Variants in CATSPER4 observed in about 807,000 individuals in gnomAD.
CATSPER4 encodes the protein cation channel sperm-associated protein 4.
CATSPER4 carries 46 observed loss-of-function variants against 54.4 expected under a neutral mutation model. The ratio of observed to expected loss-of-function variants is 0.84; its 90% CI spans 0.67 to 1.08. The LOEUF (loss-of-function observed/expected upper bound fraction) is 1.08. Among genes scored for constraint, CATSPER4 ranks in the 50% least tolerant of loss-of-function variants. CATSPER4 has a pLI of 0.00. For missense variants in CATSPER4, 574 were observed against 612.8 expected (o/e 0.94, Z 0.67); for synonymous variants, 230 against 231.9 (o/e 0.99, Z 0.08).
rs890204497 is a variant in CATSPER4 at position 26,199,912 on chromosome 1, A to G, written c.841A>G (p.Ile281Val). 2 of 1,613,948 alleles carry G rather than the reference A, an allele frequency of 1.2e-6. No individual in the cohort carries two copies. The highest frequency in any genetic ancestry group is 2.7e-5 in the African/African-American group (2 of 74,902). The change falls in exon 7 of 10, where the codon ATT becomes GTT. Residue 281 changes from isoleucine (I) to valine (V), a missense_variant. Coordinates refer to ENST00000456354, the MANE Select transcript of CATSPER4 (RefSeq NM_198137.2). Reference sequence around the variant, plus strand: ...AGAGAAGAGGGAATATGCAATGGAGATTGGGGGTGCCATCTACTTTACCAT... The same window carrying G: ...AGAGAAGAGGGAATATGCAATGGAGGTTGGGGGTGCCATCTACTTTACCAT... Reference protein sequence around the residue: ...QTEKREYAMEIGGAIYFTIFI... With the variant: ...QTEKREYAMEVGGAIYFTIFI...
Position 26,197,728 on chromosome 1 carries a change from C to T in CATSPER4, c.502C>T (p.Leu168Phe). The T allele has an allele frequency of 6.2e-7, 1 of 1,613,928 alleles. No individual in the cohort carries two copies. Among genetic ancestry groups the T allele is most frequent in the Non-Finnish European group, 8.5e-7 (1 of 1,179,974 alleles). ...CAACTTCATTATCGTCTTTATCTTG[C>T]TCTTGCGGTTCTTCATTAATGAAAT... ...ILNFIIVFIL[L>F]LRFFINEINI... Residue 168 changes from leucine to phenylalanine, a missense_variant, in exon 4 of 10, where the codon CTC becomes TTC. By Grantham distance (22) the Leu-to-Phe change is conservative. Transcript: ENST00000456354.
chr1:26,196,191 C>T (rs1200041343), intron 3 of CATSPER4, among the ~76,000 whole-genome samples: 1 of 125,884 alleles, frequency 7.9e-6, no homozygotes, highest in African/African-American at 3.2e-5. Context: ...CTATGTTTTC[C>T]AGGTTGGTCG....
chr1:26,197,676 C>T lies in CATSPER4; in HGVS notation c.460-10C>T. ...CTGACAGACCCCACTGGGGCTGGCC[C>T]ACTCCCCAGGACGGCTGGAACATCC... On this transcript the variant is annotated splice_polypyrimidine_tract_variant and intron_variant, in intron 3 of 9. Coordinates refer to ENST00000456354, the MANE Select transcript of CATSPER4 (RefSeq NM_198137.2). The T allele has an allele frequency of 1.2e-6, 2 of 1,608,578 alleles. No individual in the cohort carries two copies. The highest frequency in any genetic ancestry group is 1.7e-6 in the Non-Finnish European group (2 of 1,176,336).
Position 26,198,073 on chromosome 1 carries a change from T to C in CATSPER4, c.674T>C (p.Met225Thr). 1 of 1,614,210 alleles carries C rather than the reference T, an allele frequency of 6.2e-7. No homozygotes were observed. The highest frequency in any genetic ancestry group is 8.5e-7 in the Non-Finnish European group (1 of 1,180,032). ...ANIMVLILFF[M>T]LVFSVFGVTL... The stretch of plus-strand genomic sequence containing the variant: ...ATCATGGTCCTCATCCTCTTCTTCA[T>C]GCTGGTCAGTGCCTGCCCCCGCCCC... Residue 225 changes from methionine to threonine, a missense_variant, in exon 5 of 10, where the codon ATG (methionine) becomes ACG (threonine). Coordinates refer to ENST00000456354, the MANE Select transcript of CATSPER4 (RefSeq NM_198137.2).
At chr1:26,195,791 C>T (rs1048237055) in intron 3 of CATSPER4, among the ~76,000 whole-genome samples, 3 of 152,020 alleles carry the variant, frequency 2.0e-5, no homozygotes, top group South Asian at 4.1e-4. Context: ...CATAAGCCAC[C>T]GCGCCCGGCC....
chr1:26,195,283 C>T (rs1408349882), intron 3 of CATSPER4, among the ~76,000 whole-genome samples: 2 of 152,004 alleles, frequency 1.3e-5, no homozygotes, highest in African/African-American at 4.8e-5. Context: ...TAAAGGAATA[C>T]CCGAGGTTGA....
chr1:26,196,234 C>A (rs2088936903), intron 3 of CATSPER4, among the ~76,000 whole-genome samples: 1 of 150,412 alleles, frequency 6.6e-6, no homozygotes. Context: ...CCTCTCCCGC[C>A]AGCCTCTCAA....
rs201719884 is a variant in CATSPER4 at position 26,200,835 on chromosome 1, C to T, written c.993C>T (p.Gly331=). Residue 331 remains glycine (G), a synonymous_variant, in exon 8 of 10, where the codon GGC becomes GGT. Transcript: ENST00000456354. The part of the protein sequence containing the change: ...QQQRITFSET[G]AEEEEENDQL... ...CTCTATCCCCCGCTTCCCAGACAGG[C>T]GCAGAGGAAGAGGAGGAGAATGACC... 6 of 1,613,248 alleles carry T rather than the reference C, an allele frequency of 3.7e-6. No homozygotes were observed. The highest frequency in any genetic ancestry group is 2.2e-5 in the East Asian group (1 of 44,864).
chr1:26,200,892 C>T lies in CATSPER4; in HGVS notation c.1050C>T (p.Arg350=), dbSNP rs771206718. 1 of 1,614,180 alleles carries T rather than the reference C, an allele frequency of 6.2e-7. No homozygotes were observed. The highest frequency in any genetic ancestry group is 8.5e-7 in the Non-Finnish European group (1 of 1,180,030). ...QLPLVHCVVA[R]SEKSGLLQEP... is the part of the protein sequence containing the mutation. Reference sequence around the variant, plus strand: ...CACTGGTGCATTGTGTGGTCGCCCGCTCGGAGAAATCTGGTCTCCTCCAGG... The same window carrying T: ...CACTGGTGCATTGTGTGGTCGCCCGTTCGGAGAAATCTGGTCTCCTCCAGG... The change falls in exon 8 of 10, where the codon CGC becomes CGT. Residue 350 remains arginine, a synonymous_variant. Coordinates refer to ENST00000456354, the MANE Select transcript of CATSPER4 (RefSeq NM_198137.2).
chr1:26,201,893 C>T (rs2089013048), intron 9 of CATSPER4, among the ~76,000 whole-genome samples: 1 of 151,846 alleles, frequency 6.6e-6, no homozygotes, highest in African/African-American at 2.4e-5. Context: ...GTTTCACCAT[C>T]TTGGCCAGGC....
In CATSPER4 at chr1:26,199,967, T is replaced by C; in HGVS notation, c.896T>C (p.Ile299Thr). 6.2e-7 allele frequency: 1 copy of C among 1,614,200 alleles called. No homozygotes were observed. The highest frequency in any genetic ancestry group is 2.2e-5 in the East Asian group (1 of 44,892). ...IFITIGAFIG[I>T]NLFVIVVTTN... is the part of the protein sequence containing the mutation. ...ATCACCATCGGTGCCTTCATTGGCA[T>C]CAACCTGTTCGTCATCGTGGTGACC... is the stretch of plus-strand genomic sequence containing the variant. The change falls in exon 7 of 10, where the codon ATC becomes ACC. Residue 299 changes from isoleucine (I) to threonine (T), a missense_variant. Physicochemically the swap from Ile to Thr is moderately conservative, Grantham distance 89. Coordinates refer to ENST00000456354, the MANE Select transcript of CATSPER4 (RefSeq NM_198137.2).
At chr1:26,197,915 C>A in intron 4 of CATSPER4, 42 bp from the exon 5 acceptor site, 1 of 1,610,052 alleles carries the variant, frequency 6.2e-7, no homozygotes, top group Non-Finnish European at 8.5e-7. Flanking sequence ...AGGGAAGGGG[C>A]TGGGAAGGGC....
Position 26,190,841 on chromosome 1 carries a change from G to T in CATSPER4, c.213+1G>T. 6.2e-7 allele frequency: 1 copy of T among 1,604,898 alleles called. No homozygotes were observed. Among genetic ancestry groups the T allele is most frequent in the Non-Finnish European group, 8.5e-7 (1 of 1,175,604 alleles). On this transcript the variant is annotated splice_donor_variant, in intron 1 of 9. Transcript: ENST00000456354. LOFTEE classifies it high-confidence loss of function. ...CCGCCAGGAAATCACGAACAAAGCG[G>T]TAAGGATAGCTCTCGCCCCACAGTG...
In CATSPER4 at chr1:26,201,429, GA is replaced by G. The variant is rs1285660168; in HGVS notation, c.1276del (p.Ser426AlafsTer119). The G allele has an allele frequency of 6.2e-7, 1 of 1,614,032 alleles. No homozygotes were observed. The highest frequency in any genetic ancestry group is 8.5e-7 in the Non-Finnish European group (1 of 1,179,950). On this transcript the variant is annotated frameshift_variant, in exon 9 of 10. Coordinates refer to ENST00000456354, the MANE Select transcript of CATSPER4 (RefSeq NM_198137.2). LOFTEE classifies it high-confidence loss of function. The part of the protein sequence containing the change: ...SEVLNRRSST[S>X]GSLETTSSKD... ...AGGTGTTGAACAGGCGCTCGTCGAC[GA>G]GCGGGTCGTTGGAGACTACGTCATC...
rs1436988884 is a variant in CATSPER4 at position 26,201,520 on chromosome 1, G to A, written c.1365+1G>A. On this transcript the variant is annotated splice_donor_variant, in intron 9 of 9. Coordinates refer to ENST00000456354, the MANE Select transcript of CATSPER4 (RefSeq NM_198137.2). LOFTEE classifies it high-confidence loss of function. Reference sequence around the variant, plus strand: ...CAGTGCGCTCGTTAGCATGGAAAAGGTGTGCCTTCCTTCTCCTACCCAATG... The same window carrying A: ...CAGTGCGCTCGTTAGCATGGAAAAGATGTGCCTTCCTTCTCCTACCCAATG... 2 of 1,614,008 alleles carry A rather than the reference G, an allele frequency of 1.2e-6. No individual in the cohort carries two copies. Among genetic ancestry groups the A allele is most frequent in the South Asian group, 1.1e-5 (1 of 91,066 alleles).
chr1:26,194,435 C>T (rs796482071), intron 3 of CATSPER4, among the ~76,000 whole-genome samples: 1 of 152,234 alleles, frequency 6.6e-6, no homozygotes, highest in Non-Finnish European at 1.5e-5. Flanking sequence ...CAAACTCATT[C>T]AGATGTCTTC....
chr1:26,202,626 C>G lies in CATSPER4; in HGVS notation c.*84C>G. On this transcript the variant is annotated 3_prime_UTR_variant, in exon 10 of 10. Coordinates refer to ENST00000456354, the MANE Select transcript of CATSPER4 (RefSeq NM_198137.2). Reference sequence around the variant, plus strand: ...GTGTCCTTAGTGTGGCTTGGCAGAGCCTGGCCAGAGCCCATCCTCTCCCTT... The same window carrying G: ...GTGTCCTTAGTGTGGCTTGGCAGAGGCTGGCCAGAGCCCATCCTCTCCCTT... The G allele has an allele frequency of 1.5e-6, 2 of 1,332,092 alleles. No individual in the cohort carries two copies. Among genetic ancestry groups the G allele is most frequent in the Non-Finnish European group, 1.1e-6 (1 of 943,642 alleles). The allele number at this position is 1,332,092 out of a possible 1,614,324, so 82.5% of individuals were successfully genotyped here. A position where few individuals can be genotyped will look rare whatever the true frequency, so the allele number is the denominator to read the frequency against.
intron 1 of CATSPER4, 126 bp from the exon 2 acceptor site, chr1:26,191,161 T>C: frequency 9.2e-7 from 1 of 1,089,048 alleles, no homozygotes; most frequent in Non-Finnish European, 1.4e-6. Context: ...CATTCCATGA[T>C]CCACTCTCAG....
chr1:26,197,906 G>C, intron 4 of CATSPER4, 51 bp from the exon 5 acceptor site: 1 of 1,611,376 alleles, frequency 6.2e-7, no homozygotes, highest in South Asian at 1.1e-5. Context: ...GTAATGAGGA[G>C]GGAAGGGGCT....
Sources: allele counts gnomAD v4.1 joint callset (sites outside exome capture counted in the v4.1 genomes callset), GRCh38; gene constraint gnomAD v4.1.1; transcripts MANE v1.5; gene names NCBI Gene and HGNC (gene_info 2026-07-23, HGNC 2026-07-21).